CFAP263: variants seen among roughly 807,000 people sequenced by gnomAD.
CFAP263 encodes the protein cilia- and flagella-associated protein 263.
chr16:58,275,207 C>T, the CFAP263 span, among the ~76,000 whole-genome samples: 1 of 152,038 alleles, frequency 6.6e-6, no homozygotes, highest in Non-Finnish European at 1.5e-5. Flanking sequence ...AAGGTGCAAA[C>T]CAATTACCTG....
the CFAP263 span, among the ~76,000 whole-genome samples, chr16:58,269,635 G>A: frequency 6.6e-6 from 1 of 152,102 alleles, no homozygotes; most frequent in Admixed American, 6.6e-5. Flanking sequence ...AACATTTCAA[G>A]GTTCACTTGT....
the CFAP263 span, among the ~76,000 whole-genome samples, chr16:58,264,257 C>T: frequency 1.3e-5 from 2 of 152,284 alleles, no homozygotes; most frequent in Admixed American, 6.5e-5. Flanking sequence ...CATTGGACCT[C>T]GATCTTATCC....
chr16:58,269,955 TC>T, the CFAP263 span, among the ~76,000 whole-genome samples: 1 of 152,240 alleles, frequency 6.6e-6, no homozygotes, highest in Admixed American at 6.5e-5. Flanking sequence ...CATTTTGTAT[TC>T]CCACAATGTA....
chr16:58,270,418 TC>T, the CFAP263 span, among the ~76,000 whole-genome samples: 7 of 152,252 alleles, frequency 4.6e-5, no homozygotes, highest in East Asian at 1.3e-3. Flanking sequence ...AAGGGTTATA[TC>T]GGTACTCGAA....
At chr16:58,275,179 A>G in the CFAP263 span, among the ~76,000 whole-genome samples, 7 of 152,290 alleles carry the variant, frequency 4.6e-5, no homozygotes, top group African/African-American at 1.7e-4. Flanking sequence ...TTTGTTTTAT[A>G]GTGTATTGAA....
chr16:58,260,606 C>T, the CFAP263 span, among the ~76,000 whole-genome samples: 1 of 152,272 alleles, frequency 6.6e-6, no homozygotes, highest in Non-Finnish European at 1.5e-5. Context: ...TGTCTAGCAT[C>T]GCCATCAGCT....
At chr16:58,282,702 A>G in the CFAP263 span, 1 of 152,218 alleles carries the variant, frequency 6.6e-6, no homozygotes, top group African/African-American at 2.4e-5. Flanking sequence ...ACTGGTGAAG[A>G]GGCCCTTGTG....
the CFAP263 span, among the ~76,000 whole-genome samples, chr16:58,268,642 T>C: frequency 6.6e-6 from 1 of 152,164 alleles, no homozygotes. Flanking sequence ...ATGCACATCA[T>C]TTTCTCGATG....
chr16:58,263,108 T>C, the CFAP263 span, among the ~76,000 whole-genome samples: 835 of 152,316 alleles, frequency 5.5e-3, 15 homozygotes, highest in South Asian at 0.012. Flanking sequence ...GCAGAGACTA[T>C]AGGCACACAA....
chr16:58,277,963 T>A, the CFAP263 span, among the ~76,000 whole-genome samples: 1 of 152,286 alleles, frequency 6.6e-6, no homozygotes, highest in Non-Finnish European at 1.5e-5. Context: ...GTACAGAATT[T>A]CTGTTTTACA....
chr16:58,256,656 G>T, the CFAP263 span, among the ~76,000 whole-genome samples: 1 of 152,178 alleles, frequency 6.6e-6, no homozygotes, highest in Non-Finnish European at 1.5e-5. Context: ...TTGAGTAGGA[G>T]AGCAATGTGT....
chr16:58,282,601 G>A, the CFAP263 span: 1 of 152,316 alleles, frequency 6.6e-6, no homozygotes, highest in African/African-American at 2.4e-5. Flanking sequence ...GCCAAGGCCA[G>A]ACATGTGAGG....
At chr16:58,258,982 AAAATAAATAAAT>A in the CFAP263 span, among the ~76,000 whole-genome samples, 359 of 144,054 alleles carry the variant, frequency 2.5e-3, 2 homozygotes, top group Middle Eastern at 0.025. Context: ...CGTCTCAGAA[AAAATAAATAAAT>A]AAATAAATAA....
chr16:58,257,769 TA>T, the CFAP263 span, among the ~76,000 whole-genome samples: 1 of 152,162 alleles, frequency 6.6e-6, no homozygotes, highest in African/African-American at 2.4e-5. Context: ...TCCTTCCAGA[TA>T]TTTTTAATGG....
At chr16:58,277,171 C>T in the CFAP263 span, among the ~76,000 whole-genome samples, 53 of 152,036 alleles carry the variant, frequency 3.5e-4, no homozygotes, top group Middle Eastern at 3.4e-3. Context: ...CTCTATCACT[C>T]AGGCTGGAGT....
At chr16:58,258,473 T>C in the CFAP263 span, 1 of 1,614,078 alleles carries the variant, frequency 6.2e-7, no homozygotes, top group Non-Finnish European at 8.5e-7. Flanking sequence ...AGGGAGTATT[T>C]TGGCCACTCA....
At chr16:58,265,589 A>G in the CFAP263 span, among the ~76,000 whole-genome samples, 2 of 96,794 alleles carry the variant, frequency 2.1e-5, no homozygotes, top group East Asian at 4.7e-4. Flanking sequence ...GACAAGAACC[A>G]CAGCTCTGGG....
chr16:58,271,432 T>C, the CFAP263 span, among the ~76,000 whole-genome samples: 9 of 152,206 alleles, frequency 5.9e-5, no homozygotes, highest in African/African-American at 1.9e-4. Flanking sequence ...TACAGTATTA[T>C]TAACCAAAGT....
At chr16:58,280,671 C>T in the CFAP263 span, 7 of 1,614,020 alleles carry the variant, frequency 4.3e-6, no homozygotes, top group Admixed American at 1.7e-5. Flanking sequence ...GGCCAGGGCA[C>T]GTCTCACCAC....
Sources: gnomAD v4.1 joint callset for allele counts (sites outside exome capture counted in the v4.1 genomes callset) on GRCh38, gnomAD v4.1.1 for gene constraint, MANE v1.5 for transcripts, NCBI Gene and HGNC (gene_info 2026-07-23, HGNC 2026-07-21) for gene names.